The following ERBB4 variants were observed in gnomAD, a reference collection of about 807,000 sequenced individuals.
The protein encoded by ERBB4 is erb-b2 receptor tyrosine kinase 4, also known as receptor tyrosine-protein kinase erbB-4.
A neutral mutation model predicts 158.0 loss-of-function variants in ERBB4; 42 were observed. The observed-to-expected ratio is 0.27, with a 90% CI of 0.21 to 0.34. The LOEUF (loss-of-function observed/expected upper bound fraction) is 0.34. Among genes scored for constraint, ERBB4 ranks in the 10% least tolerant of loss-of-function variants. The probability of loss-of-function intolerance (pLI) is 1.00; values close to 1 mark genes in which losing one functional copy is unlikely to be tolerated. For synonymous variants in ERBB4, 583 were observed against 558.7 expected (o/e 1.04, Z -0.61); for missense variants, 1,333 against 1,624.1 (o/e 0.82, Z 3.08).
At chr2:211,749,954 T>C (rs1211135032) in intron 5 of ERBB4, among the ~76,000 whole-genome samples, 1 of 152,220 alleles carries the variant, frequency 6.6e-6, no homozygotes, top group Non-Finnish European at 1.5e-5. Flanking sequence ...TCATTTATTC[T>C]TAAGTTTCAT....
intron 1 of ERBB4, among the ~76,000 whole-genome samples, chr2:212,286,537 G>A (rs1359777841): frequency 1.3e-5 from 2 of 149,182 alleles, no homozygotes; most frequent in African/African-American, 4.9e-5. Context: ...CTTTTACAAT[G>A]GAGAAAATGC....
chr2:212,171,474 C>A (rs1047385545), intron 1 of ERBB4, among the ~76,000 whole-genome samples: 1 of 151,884 alleles, frequency 6.6e-6, no homozygotes, highest in African/African-American at 2.4e-5. Flanking sequence ...AAATGTAAAA[C>A]GGATGTGAAA....
chr2:211,790,887 T>C (rs2076264751), intron 3 of ERBB4, among the ~76,000 whole-genome samples: 1 of 151,960 alleles, frequency 6.6e-6, no homozygotes, highest in South Asian at 2.1e-4. Context: ...TCATTGACAC[T>C]TATAGGACAG....
At chr2:211,885,929 G>A (rs2078788029) in intron 3 of ERBB4, among the ~76,000 whole-genome samples, 1 of 152,120 alleles carries the variant, frequency 6.6e-6, no homozygotes, top group Admixed American at 6.6e-5. Context: ...CATAGACCAA[G>A]TTATATGCTA....
intron 20 of ERBB4, among the ~76,000 whole-genome samples, chr2:211,465,476 A>T (rs978774595): frequency 6.6e-6 from 1 of 152,090 alleles, no homozygotes; most frequent in Admixed American, 6.6e-5. Flanking sequence ...AACAGCAGGA[A>T]TTCTGAACAT....
intron 25 of ERBB4, among the ~76,000 whole-genome samples, chr2:211,419,035 G>T (rs1297371780): frequency 6.6e-6 from 1 of 151,982 alleles, no homozygotes; most frequent in African/African-American, 2.4e-5. Flanking sequence ...GTGTAGAGCA[G>T]ATTTGAGATG....
chr2:212,094,372 C>T (rs949334992), intron 2 of ERBB4, among the ~76,000 whole-genome samples: 1 of 64,546 alleles, frequency 1.5e-5, no homozygotes, highest in Non-Finnish European at 5.2e-5. Flanking sequence ...CAGACAAAAT[C>T]TACTTAACAG....
rs57567965 is a variant in ERBB4, at chr2:212,102,090, T to TTATATATA, written c.234+22654_234+22661dup. Among the ~76,000 whole-genome samples the TTATATATA allele has an allele frequency of 8.1e-3, 871 of 107,924 alleles. 48 individuals carry two copies. The highest frequency in any genetic ancestry group is 0.016 in the Middle Eastern group (3 of 184). 70.8% of individuals were successfully genotyped at this position (107,924 alleles called of 152,430 possible). ...AAATCATATACGTTGAAAATTTATTTTATATATATATATATATATATATGT... is the reference window on the plus strand; with the variant it reads ...AAATCATATACGTTGAAAATTTATTTTATATATATATATATATATATATATATATATGT... On this transcript the variant is annotated intron_variant, in intron 2 of 27. Transcript: ENST00000342788.
At chr2:212,420,613 G>T (rs867465888) in intron 1 of ERBB4, among the ~76,000 whole-genome samples, 1 of 152,048 alleles carries the variant, frequency 6.6e-6, no homozygotes, top group Admixed American at 6.6e-5. Context: ...TTGCTTGTTC[G>T]TTGTAACCAT....
intron 25 of ERBB4, among the ~76,000 whole-genome samples, chr2:211,420,213 G>GA (rs1447610120): frequency 6.6e-6 from 1 of 151,954 alleles, no homozygotes; most frequent in Non-Finnish European, 1.5e-5. Flanking sequence ...TTTTGCTTCT[G>GA]AAATCTTGAA....
intron 2 of ERBB4, among the ~76,000 whole-genome samples, chr2:212,094,562 A>G (rs1163361718): frequency 6.6e-6 from 1 of 150,566 alleles, no homozygotes; most frequent in African/African-American, 2.5e-5. Context: ...ATAAAATATG[A>G]AAATAAAAAA....
intron 1 of ERBB4, among the ~76,000 whole-genome samples, chr2:212,168,212 T>A (rs187285194): frequency 6.6e-6 from 1 of 152,280 alleles, no homozygotes; most frequent in East Asian, 1.9e-4. Flanking sequence ...TCTTTCCTTT[T>A]TGCATTCCTA....
intron 1 of ERBB4, among the ~76,000 whole-genome samples, chr2:212,482,783 A>T (rs1309807535): frequency 1.3e-5 from 2 of 151,632 alleles, no homozygotes; most frequent in African/African-American, 4.9e-5. Context: ...TGCCCGGCAA[A>T]TTTTTCTTTT....
intron 5 of ERBB4, among the ~76,000 whole-genome samples, chr2:211,728,874 G>A (rs942104867): frequency 6.6e-6 from 1 of 151,730 alleles, no homozygotes. Flanking sequence ...TGCCAAATGA[G>A]AAAATTAATG....
chr2:211,461,457 G>C (rs2125502404), intron 20 of ERBB4, among the ~76,000 whole-genome samples: 1 of 152,246 alleles, frequency 6.6e-6, no homozygotes, highest in East Asian at 1.9e-4. Context: ...GATGTCAGAG[G>C]ATCTGTGGTG....
At chr2:212,373,075 AATG>A (rs1574793736) in intron 1 of ERBB4, among the ~76,000 whole-genome samples, 1 of 152,226 alleles carries the variant, frequency 6.6e-6, no homozygotes, top group Non-Finnish European at 1.5e-5. Flanking sequence ...TAGAAATGAT[AATG>A]ATGGGGTTAA....
chr2:211,795,685 T>C (rs2076369088), intron 3 of ERBB4, among the ~76,000 whole-genome samples: 1 of 151,578 alleles, frequency 6.6e-6, no homozygotes, highest in Admixed American at 6.6e-5. Context: ...GAGAAAATCA[T>C]GAAGGACAAA....
intron 3 of ERBB4, among the ~76,000 whole-genome samples, chr2:211,789,257 A>G (rs189279060): frequency 2.2e-3 from 334 of 152,240 alleles, no homozygotes; most frequent in African/African-American, 7.6e-3. Flanking sequence ...TCAAAACCCA[A>G]TCAACAGTTT....
intron 3 of ERBB4, among the ~76,000 whole-genome samples, chr2:211,821,718 C>T (rs1220155021): frequency 6.6e-6 from 1 of 152,014 alleles, no homozygotes; most frequent in South Asian, 2.1e-4. Context: ...CTACAGCTAT[C>T]TGACTTTTGA....
Sources: allele counts gnomAD v4.1 joint callset (sites outside exome capture counted in the v4.1 genomes callset), GRCh38; gene constraint gnomAD v4.1.1; transcripts MANE v1.5; gene names NCBI Gene and HGNC (gene_info 2026-07-23, HGNC 2026-07-21).